Variants in BABAM2 observed in about 807,000 individuals in gnomAD.
The protein encoded by BABAM2 is BRISC and BRCA1-A complex member 2.
A neutral mutation model predicts 54.7 loss-of-function variants in BABAM2; 31 were observed. The observed-to-expected ratio is 0.57, with a 90% CI of 0.43 to 0.77. The LOEUF (loss-of-function observed/expected upper bound fraction) is 0.77, where lower values mean the gene tolerates loss of function less well. Among genes scored for constraint, BABAM2 ranks in the 30% least tolerant of loss-of-function variants. BABAM2 has a pLI of 0.00. For synonymous variants in BABAM2, 167 were observed against 162.9 expected (o/e 1.03, Z -0.19); for missense variants, 364 against 455.8 (o/e 0.80, Z 1.83).
In BABAM2 at chr2:28,228,482, G is replaced by A. The variant is rs1446509488; in HGVS notation, c.681-8720G>A. Among the ~76,000 whole-genome samples the A allele has an allele frequency of 2.0e-5, 3 of 152,174 alleles. No homozygotes were observed. The East Asian group carries it at 5.8e-4, about 29-fold the overall frequency. The stretch of plus-strand genomic sequence containing the variant: ...AAAATATTTTAAAGGTAATTCATAG[G>A]AAAAGTGATCTGTACCTATTTAAGA... On this transcript the variant is annotated intron_variant, in intron 7 of 11. Transcript: ENST00000379624.
At chr2:27,895,485 G>GTACA (rs1665218879) in intron 2 of BABAM2, among the ~76,000 whole-genome samples, 1 of 152,136 alleles carries the variant, frequency 6.6e-6, no homozygotes, top group Non-Finnish European at 1.5e-5. Flanking sequence ...CCCAAGTGTA[G>GTACA]TACAGATGTG....
intron 6 of BABAM2, among the ~76,000 whole-genome samples, chr2:28,069,969 G>T (rs1350461634): frequency 1.3e-5 from 2 of 152,150 alleles, no homozygotes; most frequent in Admixed American, 6.5e-5. Flanking sequence ...TCTAACTGCT[G>T]GGCTCAACTG....
At chr2:27,911,910 TTTC>T (rs961301231) in intron 2 of BABAM2, among the ~76,000 whole-genome samples, 3 of 152,182 alleles carry the variant, frequency 2.0e-5, no homozygotes, top group Admixed American at 2.0e-4. Context: ...TATTTTTCCT[TTTC>T]TTCTTCTTTT....
intron 10 of BABAM2, among the ~76,000 whole-genome samples, chr2:28,286,437 A>G (rs1426612208): frequency 6.6e-6 from 1 of 151,782 alleles, no homozygotes. Flanking sequence ...TGTTCAGAGC[A>G]CTCCACAGTT....
At chr2:28,293,681 T>TA (rs1687467079) in intron 10 of BABAM2, among the ~76,000 whole-genome samples, 1 of 152,108 alleles carries the variant, frequency 6.6e-6, no homozygotes, top group Non-Finnish European at 1.5e-5. Context: ...TAAGAAGCAT[T>TA]TGGTGTGACT....
chr2:28,113,391 C>T (rs78264326), intron 6 of BABAM2, among the ~76,000 whole-genome samples: 11,854 of 152,114 alleles, frequency 0.078, 678 homozygotes, highest in African/African-American at 0.16. Context: ...GTTTTCCCAA[C>T]GCTATGCAAT....
At chr2:28,117,934 C>G (rs1230383911) in intron 6 of BABAM2, among the ~76,000 whole-genome samples, 1 of 152,158 alleles carries the variant, frequency 6.6e-6, no homozygotes, top group Non-Finnish European at 1.5e-5. Flanking sequence ...GTGAATACAT[C>G]TTCTACCTTT....
intron 4 of BABAM2, among the ~76,000 whole-genome samples, chr2:28,000,722 G>A (rs1034262940): frequency 2.0e-5 from 3 of 152,062 alleles, no homozygotes; most frequent in African/African-American, 7.2e-5. Flanking sequence ...TCATTTATTT[G>A]TATCAGTATG....
chr2:28,060,248 C>A (rs1319794451), intron 6 of BABAM2, among the ~76,000 whole-genome samples: 2 of 152,018 alleles, frequency 1.3e-5, no homozygotes, highest in Non-Finnish European at 2.9e-5. Context: ...AAAGAAAAAT[C>A]ATGTGATTAT....
At chr2:28,200,718 C>T (rs1573825313) in intron 7 of BABAM2, among the ~76,000 whole-genome samples, 1 of 152,006 alleles carries the variant, frequency 6.6e-6, no homozygotes, top group Non-Finnish European at 1.5e-5. Flanking sequence ...TTATTAAAAG[C>T]TCTATGCTAT....
chr2:28,275,121 T>C (rs1401188293), intron 10 of BABAM2, among the ~76,000 whole-genome samples: 1 of 152,140 alleles, frequency 6.6e-6, no homozygotes. Flanking sequence ...TCCTGGGGAA[T>C]TTTCAGATGG....
intron 3 of BABAM2, among the ~76,000 whole-genome samples, chr2:27,960,614 G>A (rs754292424): frequency 1.3e-5 from 2 of 152,160 alleles, no homozygotes; most frequent in South Asian, 2.1e-4. Flanking sequence ...ATAACATTTC[G>A]TATTTTCCAA....
chr2:28,184,279 TCTCTCTCCCCCCCTCCCTCTCTCC>T (rs1676014905), intron 7 of BABAM2, among the ~76,000 whole-genome samples: 1 of 118,092 alleles, frequency 8.5e-6, no homozygotes. Context: ...TCTCTCTCTC[TCTCTCTCCCCCCCTCCCTCTCTCC>T]CTCTCTCTCT....
intron 6 of BABAM2, among the ~76,000 whole-genome samples, chr2:28,075,524 G>A (rs1056488983): frequency 6.7e-5 from 10 of 149,256 alleles, no homozygotes; most frequent in African/African-American, 2.5e-4. Context: ...AAAACATCAC[G>A]TTTTTCTCTC....
chr2:28,280,225 A>AT (rs1433597855), intron 10 of BABAM2, among the ~76,000 whole-genome samples: 23 of 150,360 alleles, frequency 1.5e-4, no homozygotes, highest in East Asian at 2.0e-4. Flanking sequence ...CACTCAGCAC[A>AT]TTTTTTTTTA....
rs1690718009 is a variant in BABAM2, at chr2:28,329,023, T to C, written c.1089-9427T>C. On this transcript the variant is annotated intron_variant, in intron 11 of 11. Transcript: ENST00000379624. This position sits in a 1 kb window ranked among gnomAD's most constrained non-coding sequence, Gnocchi z 4.2. ...GTAATTCCAGTAGGAAAGAACCCTTTAGATGAGACTTCGTTGAACAAAGTT... is the reference window on the plus strand; with the variant it reads ...GTAATTCCAGTAGGAAAGAACCCTTCAGATGAGACTTCGTTGAACAAAGTT... Among the ~76,000 whole-genome samples, 1 of 152,228 alleles carries C rather than the reference T, an allele frequency of 6.6e-6. No homozygotes were observed. Among genetic ancestry groups the C allele is most frequent in the Non-Finnish European group, 1.5e-5 (1 of 68,038 alleles).
At chr2:27,984,604 C>T (rs1261501208) in intron 3 of BABAM2, among the ~76,000 whole-genome samples, 2 of 151,948 alleles carry the variant, frequency 1.3e-5, no homozygotes, top group Non-Finnish European at 2.9e-5. Context: ...CCAGGAGTGA[C>T]TTTGCTATGA....
Position 28,291,673 on chromosome 2 carries a change from CAT to C in BABAM2, c.935-6664_935-6663del, listed in dbSNP as rs377283724. On this transcript the variant is annotated intron_variant, in intron 10 of 11. Coordinates refer to ENST00000379624, the MANE Select transcript of BABAM2 (RefSeq NM_199191.3). ...GCTTAAACCAGTGAAAAGTAGAACA[CAT>C]GTAACAAAATCTGGTTAATATTTAG... Among the ~76,000 whole-genome samples the C allele has an allele frequency of 1.4e-4, 22 of 152,120 alleles. No homozygotes were observed. In the East Asian group the frequency reaches 3.7e-3, roughly 25 times the overall value.
intron 5 of BABAM2, among the ~76,000 whole-genome samples, chr2:28,026,897 A>AATATATATTAATATATATAAAT (rs1558667593): frequency 4.0e-3 from 81 of 20,470 alleles, no homozygotes; most frequent in African/African-American, 9.9e-3. Context: ...GATATATATA[A>AATATATATTAATATATATAAAT]ATATATATAA....
Sources: allele counts gnomAD v4.1 joint callset (sites outside exome capture counted in the v4.1 genomes callset), GRCh38; gene constraint gnomAD v4.1.1; non-coding constraint Gnocchi (gnomAD v3.1); transcripts MANE v1.5; gene names NCBI Gene and HGNC (gene_info 2026-07-23, HGNC 2026-07-21).